The following TLR2 variants were observed in gnomAD, a reference collection of about 807,000 sequenced individuals.
The protein encoded by TLR2 is toll like receptor 2.
Under a neutral mutation model 9.1 loss-of-function variants are expected in TLR2, and 7 were observed. That is an observed-to-expected ratio of 0.77 (90% CI 0.44 to 1.44). TLR2 has a LOEUF of 1.44. Ranked by LOEUF, TLR2 falls within the 40% of genes most tolerant of loss-of-function variation. The pLI, the probability that TLR2 is intolerant of heterozygous loss-of-function variation, is 0.01. For missense variants in TLR2, 812 were observed against 904.6 expected, an observed-to-expected ratio of 0.90 and a Z score of 1.31; for synonymous variants, 317 against 344.6, an observed-to-expected ratio of 0.92 and a Z score of 0.89.
chr4:153,684,745 G>A (rs1702810465), intron 1 of TLR2, among the ~76,000 whole-genome samples: 1 of 151,634 alleles, frequency 6.6e-6, no homozygotes, highest in African/African-American at 2.4e-5. Context: ...AGGCCCCGGG[G>A]GGGTTGCCGC....
intron 2 of TLR2, among the ~76,000 whole-genome samples, chr4:153,696,559 A>T (rs74341183): frequency 6.6e-6 from 1 of 152,138 alleles, no homozygotes. Context: ...GTATACTACA[A>T]TTTCACTGAA....
rs139142996 is a variant in TLR2 at position 153,703,433 on chromosome 4, C to T, written c.526C>T (p.Leu176Phe). ...AAAAGATTTTGCTGGACTTACCTTC[C>T]TTGAGGAACTTGAGATTGATGCTTC... ...QRKDFAGLTF[L>F]EELEIDASDL... The change falls in exon 3 of 3, where the codon CTT becomes TTT. Residue 176 changes from leucine to phenylalanine, a missense_variant. Transcript: ENST00000642700. 271 of 1,613,810 alleles carry T rather than the reference C, an allele frequency of 1.7e-4. No homozygotes were observed. The highest frequency in any genetic ancestry group is 3.4e-6 in the Non-Finnish European group (4 of 1,179,968).
downstream of TLR2, among the ~76,000 whole-genome samples, chr4:153,708,762 G>C (rs375907314): frequency 5.5e-4 from 84 of 152,222 alleles, no homozygotes; most frequent in African/African-American, 1.9e-3. Context: ...ATGAACACGG[G>C]GGGATCCATG....
chr4:153,709,538 T>C (rs997052725), downstream of TLR2, among the ~76,000 whole-genome samples: 3 of 152,230 alleles, frequency 2.0e-5, no homozygotes, highest in African/African-American at 7.2e-5. Flanking sequence ...GAGTGCCTCT[T>C]ATGTGCTAGG....
chr4:153,690,521 G>A (rs1304262638), intron 2 of TLR2, among the ~76,000 whole-genome samples: 4 of 152,166 alleles, frequency 2.6e-5, no homozygotes, highest in African/African-American at 9.7e-5. Flanking sequence ...TCTCCTGATT[G>A]GCATGTAGCC....
chr4:153,702,491 A>T, intron 2 of TLR2: 1 of 159,864 alleles, frequency 6.3e-6, no homozygotes, highest in East Asian at 1.8e-4. Flanking sequence ...ATGTTAAGAA[A>T]GTTTGAAGTG....
intron 2 of TLR2, among the ~76,000 whole-genome samples, chr4:153,691,718 G>A (rs781490118): frequency 6.6e-6 from 1 of 152,170 alleles, no homozygotes; most frequent in Non-Finnish European, 1.5e-5. Context: ...GGAATGCCTA[G>A]AGCAGGTCAT....
At chr4:153,702,797 TGTGTGTGTG>T in intron 2 of TLR2, 86 bp from the exon 3 acceptor site, 1 of 705,146 alleles carries the variant, frequency 1.4e-6, no homozygotes, top group Non-Finnish European at 2.3e-6. Flanking sequence ...TGTGTGTGTG[TGTGTGTGTG>T]TTATGCCTAG....
chr4:153,692,552 G>T (rs1736193448), intron 2 of TLR2, among the ~76,000 whole-genome samples: 1 of 152,108 alleles, frequency 6.6e-6, no homozygotes. Flanking sequence ...AAACCTTGGT[G>T]GGAACTTTGT....
chr4:153,690,773 T>C (rs1454851357), intron 2 of TLR2, among the ~76,000 whole-genome samples: 7 of 152,220 alleles, frequency 4.6e-5, no homozygotes, highest in Admixed American at 4.6e-4. Flanking sequence ...ATGGGTTAAA[T>C]TGTGAAAGTG....
Position 153,703,251 on chromosome 4 carries a change from T to A in TLR2, c.344T>A (p.Leu115Ter). ...TTATCCTATAATTACTTATCTAATTTATCGTCTTCCTGGTTCAAGCCCCTT... is the reference window on the plus strand; with the variant it reads ...TTATCCTATAATTACTTATCTAATTAATCGTCTTCCTGGTTCAAGCCCCTT... Reference protein sequence around the residue: ...LDLSYNYLSNLSSSWFKPLSS... With the variant: ...LDLSYNYLSN Residue 115 changes from leucine (L) to a stop codon, truncating the protein, a stop_gained, in exon 3 of 3, where the codon TTA becomes TAA. Coordinates refer to ENST00000642700, the MANE Select transcript of TLR2 (RefSeq NM_001318789.2). LOFTEE classifies it low-confidence loss of function (END_TRUNC). 1.2e-6 allele frequency: 2 copies of A among 1,613,860 alleles called. No individual in the cohort carries two copies. Among genetic ancestry groups the A allele is most frequent in the Non-Finnish European group, 1.7e-6 (2 of 1,179,972 alleles).
chr4:153,691,989 A>G (rs1296183985), intron 2 of TLR2, among the ~76,000 whole-genome samples: 1 of 152,208 alleles, frequency 6.6e-6, no homozygotes, highest in Non-Finnish European at 1.5e-5. Context: ...ATAATGAATA[A>G]TGTAACACTG....
At chr4:153,691,656 G>A (rs1443328063) in intron 2 of TLR2, among the ~76,000 whole-genome samples, 3 of 152,180 alleles carry the variant, frequency 2.0e-5, no homozygotes, top group Non-Finnish European at 4.4e-5. Context: ...GAGGGCTAAT[G>A]AGACTAGGAT....
chr4:153,690,231 TAA>T (rs1285768076), intron 2 of TLR2, among the ~76,000 whole-genome samples: 6 of 152,350 alleles, frequency 3.9e-5, no homozygotes, highest in Non-Finnish European at 4.4e-5. Flanking sequence ...TCAAAAAATT[TAA>T]AGTCATTAAT....
intron 1 of TLR2, among the ~76,000 whole-genome samples, chr4:153,685,356 GT>G (rs2127004470): frequency 6.6e-6 from 1 of 152,300 alleles, no homozygotes; most frequent in African/African-American, 2.4e-5. Flanking sequence ...ATTGGAAGTG[GT>G]GGGTGGGGGC....
intron 2 of TLR2, among the ~76,000 whole-genome samples, chr4:153,690,359 A>G (rs1315619845): frequency 6.6e-6 from 1 of 152,268 alleles, no homozygotes; most frequent in African/African-American, 2.4e-5. Context: ...CTTGAGAATT[A>G]TATGGGATGC....
chr4:153,704,851 T>G lies in TLR2; in HGVS notation c.1944T>G (p.Ser648Arg), dbSNP rs1005914080. The G allele has an allele frequency of 1.9e-6, 3 of 1,614,016 alleles. No individual in the cohort carries two copies. Among genetic ancestry groups the G allele is most frequent in the Non-Finnish European group, 2.5e-6 (3 of 1,180,004 alleles). ...GCTATGATGCATTTGTTTCTTACAG[T>G]GAGCGGGATGCCTACTGGGTGGAGA... is the stretch of plus-strand genomic sequence containing the variant. ...NICYDAFVSY[S>R]ERDAYWVENL... Residue 648 changes from serine (S) to arginine (R), a missense_variant, in exon 3 of 3, where the codon AGT (serine) becomes AGG (arginine). Ser to Arg is a moderately radical substitution (Grantham distance 110, BLOSUM62 -1). Transcript: ENST00000642700.
At chr4:153,698,279 G>A (rs1031625827) in intron 2 of TLR2, among the ~76,000 whole-genome samples, 5 of 152,116 alleles carry the variant, frequency 3.3e-5, no homozygotes, top group African/African-American at 1.2e-4. Flanking sequence ...TGAATACCAG[G>A]GAAATGCTTT....
chr4:153,689,720 A>AT (rs1318778868), intron 2 of TLR2, among the ~76,000 whole-genome samples: 1 of 152,248 alleles, frequency 6.6e-6, no homozygotes, highest in Non-Finnish European at 1.5e-5. Flanking sequence ...CCCAATAAGT[A>AT]TAATTGTTCT....
Sources: allele counts gnomAD v4.1 joint callset (sites outside exome capture counted in the v4.1 genomes callset), GRCh38; gene constraint gnomAD v4.1.1; transcripts MANE v1.5; gene names NCBI Gene and HGNC (gene_info 2026-07-23, HGNC 2026-07-21).